Variants in TK2 observed in about 807,000 individuals in gnomAD.
TK2 encodes thymidine kinase 2, mitochondrial.
TK2 carries 35 observed loss-of-function variants against 41.9 expected under a neutral mutation model. The observed-to-expected ratio is 0.84, with a 90% CI of 0.64 to 1.11. The LOEUF (loss-of-function observed/expected upper bound fraction) is 1.11, where lower values mean the gene tolerates loss of function less well. Among genes scored for constraint, TK2 ranks in the 50% least tolerant of loss-of-function variants. The probability of loss-of-function intolerance (pLI) is 0.00; values close to 1 mark genes in which losing one functional copy is unlikely to be tolerated. For synonymous variants in TK2, 128 were observed against 129.1 expected (o/e 0.99, Z 0.06); for missense variants, 320 against 351.1 (o/e 0.91, Z 0.71).
intron 2 of TK2, among the ~76,000 whole-genome samples, chr16:66,543,068 T>G (rs1330507277): frequency 6.6e-6 from 1 of 152,112 alleles, no homozygotes; most frequent in Non-Finnish European, 1.5e-5. Context: ...GAGACATGGT[T>G]TCACCATGTA....
intron 6 of TK2, chr16:66,518,115 G>C (rs979138914): frequency 1.8e-6 from 1 of 553,608 alleles, no homozygotes; most frequent in Non-Finnish European, 3.3e-6. Context: ...GGAGTGATGG[G>C]AGAATTCACT....
chr16:66,532,559 C>T (rs1025256320), intron 4 of TK2, among the ~76,000 whole-genome samples: 2 of 150,986 alleles, frequency 1.3e-5, no homozygotes, highest in African/African-American at 2.4e-5. Context: ...GGGCCGAGAT[C>T]GTACCACTGT....
In TK2 at chr16:66,517,065, G is replaced by T; in HGVS notation, c.618+71C>A. ...ACAATGATCTCATGGGGGTGGGGCC[G>T]GGAGAGGAAGCCGGGTTGGACAGAG... On this transcript the variant is annotated intron_variant, in intron 8 of 9. Coordinates refer to ENST00000544898, the MANE Select transcript of TK2 (RefSeq NM_004614.5). The surrounding 1 kb of genome is among the most constrained non-coding windows in gnomAD (Gnocchi z 4.3). 7.5e-7 allele frequency: 1 copy of T among 1,337,418 alleles called. No homozygotes were observed. Among genetic ancestry groups the T allele is most frequent in the Non-Finnish European group, 1.1e-6 (1 of 928,108 alleles). 82.8% of individuals were successfully genotyped at this position (1,337,418 alleles called of 1,614,324 possible).
chr16:66,516,410 G>A (rs995770370), intron 8 of TK2, among the ~76,000 whole-genome samples: 23 of 152,212 alleles, frequency 1.5e-4, no homozygotes, highest in African/African-American at 3.4e-4. Context: ...AGTTGGGGCC[G>A]GGTCATAAGC....
rs919147107 is a variant in TK2, at chr16:66,508,714, T to G, written c.*3254A>C. On this transcript the variant is annotated 3_prime_UTR_variant, in exon 10 of 10. Transcript: ENST00000544898. ...TAATGGTGCATGTCTGCAGGAAGATTGTTCTGACTGATATATTCCCCAGGC... is the reference window on the plus strand; with the variant it reads ...TAATGGTGCATGTCTGCAGGAAGATGGTTCTGACTGATATATTCCCCAGGC... 1 of 152,362 alleles carries G rather than the reference T, an allele frequency of 6.6e-6. No individual in the cohort carries two copies. Among genetic ancestry groups the G allele is most frequent in the Admixed American group, 6.5e-5 (1 of 15,304 alleles). The allele number at this position is 152,362 out of a possible 1,614,324, so 9.4% of individuals were successfully genotyped here.
chr16:66,527,884 T>A (rs1255942171), intron 6 of TK2, among the ~76,000 whole-genome samples: 1 of 151,668 alleles, frequency 6.6e-6, no homozygotes, highest in Non-Finnish European at 1.5e-5. Flanking sequence ...ACAAAAAAAA[T>A]AGCCAGGTGT....
intron 8 of TK2, among the ~76,000 whole-genome samples, chr16:66,515,671 G>A (rs964201099): frequency 2.0e-5 from 3 of 152,170 alleles, no homozygotes; most frequent in South Asian, 2.1e-4. Flanking sequence ...CGGCTTGGAC[G>A]GCCCCCAGGC....
intron 4 of TK2, among the ~76,000 whole-genome samples, chr16:66,534,619 C>G (rs1042755448): frequency 1.2e-4 from 19 of 152,378 alleles, no homozygotes; most frequent in Admixed American, 1.2e-3. Context: ...GCCTTTGCCT[C>G]TGCAGCGCCT....
intron 2 of TK2, among the ~76,000 whole-genome samples, chr16:66,544,463 C>T (rs1381084864): frequency 2.6e-5 from 4 of 152,184 alleles, no homozygotes; most frequent in Non-Finnish European, 5.9e-5. Context: ...TCTTTGAGCA[C>T]GTTTCAACTG....
chr16:66,550,003 C>T lies in TK2; in HGVS notation c.59G>A (p.Gly20Glu), dbSNP rs944531241. The stretch of plus-strand genomic sequence containing the variant: ...GCCTGAGGCCGGGCTCCCGCGACTT[C>T]CCGGCCCAAAGCAGCGCAGCGCCCG... ...AARALRCFGP[G>E]SRGSPASGPG... Residue 20 changes from glycine to glutamate, a missense_variant, in exon 1 of 10, where the codon GGA becomes GAA. By Grantham distance (98) the Gly-to-Glu change is moderately conservative. Transcript: ENST00000544898. 2 of 1,531,086 alleles carry T rather than the reference C, an allele frequency of 1.3e-6. No homozygotes were observed. Among genetic ancestry groups the T allele is most frequent in the African/African-American group, 2.8e-5 (2 of 70,588 alleles). 94.8% of individuals were successfully genotyped at this position (1,531,086 alleles called of 1,614,324 possible).
chr16:66,544,520 C>T (rs1597109016), intron 2 of TK2, among the ~76,000 whole-genome samples: 1 of 152,156 alleles, frequency 6.6e-6, no homozygotes, highest in South Asian at 2.1e-4. Flanking sequence ...CTCAGGGCCT[C>T]GTTGCAACGG....
chr16:66,544,612 C>T (rs1360587330), intron 2 of TK2, among the ~76,000 whole-genome samples: 1 of 152,172 alleles, frequency 6.6e-6, no homozygotes, highest in East Asian at 1.9e-4. Context: ...GAGCACATGG[C>T]CGGCCTGGCC....
chr16:66,517,189 A>C lies in TK2; in HGVS notation c.565T>G (p.Cys189Gly), dbSNP rs764504726. The C allele has an allele frequency of 6.2e-7, 1 of 1,614,170 alleles. No homozygotes were observed. The highest frequency in any genetic ancestry group is 1.1e-5 in the South Asian group (1 of 91,086). Residue 189 changes from cysteine (C) to glycine (G), a missense_variant, in exon 8 of 10, where the codon TGT becomes GGT. Transcript: ENST00000544898. This position sits in a 1 kb window ranked among gnomAD's most constrained non-coding sequence, Gnocchi z 4.3. ...IVYLRTNPETCYQRLKKRCRE... is the reference protein window; with the variant it reads ...IVYLRTNPETGYQRLKKRCRE... ...CATCTCTTCTTTAACCTCTGGTAACAAGTCTCAGGATTGGTCCGAAGGTAA... is the reference window on the plus strand; with the variant it reads ...CATCTCTTCTTTAACCTCTGGTAACCAGTCTCAGGATTGGTCCGAAGGTAA...
At chr16:66,531,493 T>G (rs759501457) in intron 4 of TK2, 24 bp from the exon 5 acceptor site, 2 of 1,612,536 alleles carry the variant, frequency 1.2e-6, no homozygotes, top group East Asian at 4.5e-5. Flanking sequence ...AACACAGCAC[T>G]TTCCATCAAA....
chr16:66,547,822 C>T, intron 2 of TK2: 1 of 1,171,252 alleles, frequency 8.5e-7, no homozygotes, highest in South Asian at 1.6e-5. Context: ...CAGTCCTGAG[C>T]CTGAATGCAG....
rs1468435395 is a variant in TK2, at chr16:66,509,269, G to A, written c.*2699C>T. 1 of 152,346 alleles carries A rather than the reference G, an allele frequency of 6.6e-6. No homozygotes were observed. Among genetic ancestry groups the A allele is most frequent in the East Asian group, 1.9e-4 (1 of 5,198 alleles). The allele number at this position is 152,346 out of a possible 1,614,324, so 9.4% of individuals were successfully genotyped here. On this transcript the variant is annotated 3_prime_UTR_variant, in exon 10 of 10. Transcript: ENST00000544898. ...CCATCCTGGACAGTCAGGCCCCAGAGGAAGGAAGCCAGGAGCCAAGAGGTG... is the reference window on the plus strand; with the variant it reads ...CCATCCTGGACAGTCAGGCCCCAGAAGAAGGAAGCCAGGAGCCAAGAGGTG...
chr16:66,548,482 A>G (rs1433877297), intron 2 of TK2, among the ~76,000 whole-genome samples: 1 of 152,086 alleles, frequency 6.6e-6, no homozygotes, highest in Admixed American at 6.6e-5. Flanking sequence ...TCAGCCTCAC[A>G]CTAGTCACAG....
At chr16:66,535,951 T>C (rs1965263321) in intron 4 of TK2, among the ~76,000 whole-genome samples, 1 of 152,104 alleles carries the variant, frequency 6.6e-6, no homozygotes. Flanking sequence ...ACGCCCGTAA[T>C]CCCAGCACTT....
Position 66,517,461 on chromosome 16 carries a change from C to T in TK2, c.539-246G>A. ...GACAGAGCTCAAAACAGGCCTCACA[C>T]CCAGCAGGTCTCAGTGAATGTTCAG... is the stretch of plus-strand genomic sequence containing the variant. On this transcript the variant is annotated intron_variant, in intron 7 of 9. Coordinates refer to ENST00000544898, the MANE Select transcript of TK2 (RefSeq NM_004614.5). This position sits in a 1 kb window ranked among gnomAD's most constrained non-coding sequence, Gnocchi z 4.3. 1.6e-6 allele frequency: 1 copy of T among 611,320 alleles called. No individual in the cohort carries two copies. The highest frequency in any genetic ancestry group is 2.9e-6 in the Non-Finnish European group (1 of 344,022). 37.9% of individuals were successfully genotyped at this position (611,320 alleles called of 1,614,324 possible). A position where few individuals can be genotyped will look rare whatever the true frequency, so the allele number is the denominator to read the frequency against.
Sources: allele counts gnomAD v4.1 joint callset (sites outside exome capture counted in the v4.1 genomes callset), GRCh38; gene constraint gnomAD v4.1.1; non-coding constraint Gnocchi (gnomAD v3.1); transcripts MANE v1.5; gene names NCBI Gene and HGNC (gene_info 2026-07-23, HGNC 2026-07-21).